LDLRAD4: variants seen among roughly 807,000 people sequenced by gnomAD.
The protein encoded by LDLRAD4 is low density lipoprotein receptor class A domain containing 4.
In LDLRAD4, 5 loss-of-function variants were observed where a neutral mutation model predicts 17.0. The ratio of observed to expected loss-of-function variants is 0.29; its 90% CI spans 0.15 to 0.62. The LOEUF is 0.62. LDLRAD4 is among the 20% of genes least tolerant of loss of function. LDLRAD4 has a pLI of 0.84. For missense variants in LDLRAD4, 340 were observed against 424.7 expected, an observed-to-expected ratio of 0.80 and a Z score of 1.75; for synonymous variants, 168 against 171.8, an observed-to-expected ratio of 0.98 and a Z score of 0.17.
At chr18:13,390,745 G>C (rs2086210799) in intron 2 of LDLRAD4, among the ~76,000 whole-genome samples, 1 of 152,200 alleles carries the variant, frequency 6.6e-6, no homozygotes, top group Non-Finnish European at 1.5e-5. Flanking sequence ...ATCATGTGTT[G>C]AATAGTGTTC....
At chr18:13,624,663 G>C (rs2040960961) in intron 4 of LDLRAD4, among the ~76,000 whole-genome samples, 1 of 152,244 alleles carries the variant, frequency 6.6e-6, no homozygotes, top group Non-Finnish European at 1.5e-5. Context: ...CCCATGTGCA[G>C]TTGGCGAGGG....
chr18:13,600,288 G>T (rs2095146110), intron 3 of LDLRAD4, among the ~76,000 whole-genome samples: 1 of 152,208 alleles, frequency 6.6e-6, no homozygotes, highest in Non-Finnish European at 1.5e-5. Flanking sequence ...TAGAACATGT[G>T]GAGTGCAGGT....
intron 1 of LDLRAD4, among the ~76,000 whole-genome samples, chr18:13,232,660 G>T (rs1284060528): frequency 6.6e-6 from 1 of 152,166 alleles, no homozygotes; most frequent in Non-Finnish European, 1.5e-5. Flanking sequence ...CTGCAGCTCT[G>T]ACTCTTCCGC....
chr18:13,415,676 C>A (rs1045801515), intron 2 of LDLRAD4, among the ~76,000 whole-genome samples: 1 of 152,232 alleles, frequency 6.6e-6, no homozygotes, highest in Non-Finnish European at 1.5e-5. Context: ...AACCTCACCC[C>A]CCCAGGACGG....
intron 2 of LDLRAD4, among the ~76,000 whole-genome samples, chr18:13,418,669 C>T (rs2089164275): frequency 6.6e-6 from 1 of 152,224 alleles, no homozygotes; most frequent in East Asian, 1.9e-4. Context: ...AAGTTTTGAA[C>T]AACAGCTGAT....
intron 2 of LDLRAD4, among the ~76,000 whole-genome samples, chr18:13,426,923 C>T (rs765761679): frequency 5.6e-4 from 86 of 152,284 alleles, no homozygotes; most frequent in Non-Finnish European, 1.1e-3. Context: ...CAGTGGCTCA[C>T]GCCTGTAATC....
chr18:13,438,737 A>G (rs963975111), intron 3 of LDLRAD4, among the ~76,000 whole-genome samples: 4 of 152,268 alleles, frequency 2.6e-5, no homozygotes, highest in African/African-American at 9.6e-5. Context: ...TGGAAGGTAC[A>G]TAATTAATCA....
chr18:13,525,678 G>A (rs2094019333), intron 3 of LDLRAD4, among the ~76,000 whole-genome samples: 1 of 152,158 alleles, frequency 6.6e-6, no homozygotes, highest in Non-Finnish European at 1.5e-5. Flanking sequence ...CAGAACATGA[G>A]CAGGAGAGCA....
chr18:13,328,004 C>T (rs529608596), intron 1 of LDLRAD4, among the ~76,000 whole-genome samples: 86 of 152,324 alleles, frequency 5.6e-4, no homozygotes, highest in African/African-American at 2.0e-3. Context: ...GGAAACACGC[C>T]TCATGAGACC....
intron 3 of LDLRAD4, among the ~76,000 whole-genome samples, chr18:13,605,310 T>C (rs2095212160): frequency 6.6e-6 from 1 of 152,236 alleles, no homozygotes; most frequent in Non-Finnish European, 1.5e-5. Flanking sequence ...CTCGACCTCC[T>C]GGGCTCAAGT....
In LDLRAD4 at chr18:13,381,218, C is replaced by T. The variant is rs118031850; in HGVS notation, c.-382-6123C>T. Among the ~76,000 whole-genome samples the T allele has an allele frequency of 5.3e-5, 8 of 152,022 alleles. No homozygotes were observed. In the East Asian group the frequency reaches 7.7e-4, roughly 15 times the overall value. On this transcript the variant is annotated intron_variant, in intron 1 of 5. Transcript: ENST00000359446. ...TCAGCCTCCCCAGTATAGGTGTGCA[C>T]AGCCATGCCCAGCTAATTTTTATAT... is the stretch of plus-strand genomic sequence containing the variant.
chr18:13,564,687 C>T (rs1433784787), intron 3 of LDLRAD4, among the ~76,000 whole-genome samples: 2 of 126,544 alleles, frequency 1.6e-5, no homozygotes, highest in African/African-American at 5.5e-5. Context: ...CACGACCCCG[C>T]CTCTGCGCTG....
intron 2 of LDLRAD4, among the ~76,000 whole-genome samples, chr18:13,413,908 AAAAAAT>A (rs1237427977): frequency 6.6e-6 from 1 of 152,140 alleles, no homozygotes; most frequent in Non-Finnish European, 1.5e-5. Context: ...AATTAAAAAA[AAAAAAT>A]TTTTTTTTAA....
chr18:13,286,946 G>T (rs886882355), intron 1 of LDLRAD4, among the ~76,000 whole-genome samples: 1 of 152,208 alleles, frequency 6.6e-6, no homozygotes, highest in East Asian at 1.9e-4. Context: ...TCAGTCTTGG[G>T]TAAAGAGAAG....
At chr18:13,224,697 G>A (rs2145388223) in intron 1 of LDLRAD4, among the ~76,000 whole-genome samples, 1 of 151,752 alleles carries the variant, frequency 6.6e-6, no homozygotes, top group East Asian at 1.9e-4. Flanking sequence ...AGCCAGGATG[G>A]TCTTGATCTC....
chr18:13,379,057 T>A (rs1476019021), intron 1 of LDLRAD4, among the ~76,000 whole-genome samples: 1 of 152,254 alleles, frequency 6.6e-6, no homozygotes, highest in African/African-American at 2.4e-5. Flanking sequence ...AGATACACAA[T>A]GGCTCCATCA....
intron 3 of LDLRAD4, chr18:13,615,727 A>G (rs1404170230): frequency 2.6e-5 from 4 of 152,244 alleles, no homozygotes; most frequent in Non-Finnish European, 5.9e-5. Context: ...TTTAGACTAG[A>G]TGTATTAAAA....
chr18:13,508,362 G>A (rs1418710888), intron 3 of LDLRAD4, among the ~76,000 whole-genome samples: 3 of 152,222 alleles, frequency 2.0e-5, no homozygotes, highest in Non-Finnish European at 4.4e-5. Flanking sequence ...GATGAAGGTG[G>A]CTGCACTAAA....
chr18:13,281,127 T>C (rs1033313356), intron 1 of LDLRAD4, among the ~76,000 whole-genome samples: 3 of 152,114 alleles, frequency 2.0e-5, no homozygotes, highest in South Asian at 2.1e-4. Flanking sequence ...ACAAAAAGAA[T>C]TGGAATCCCA....
Sources: gnomAD v4.1 joint callset for allele counts (sites outside exome capture counted in the v4.1 genomes callset) on GRCh38, gnomAD v4.1.1 for gene constraint, MANE v1.5 for transcripts, NCBI Gene and HGNC (gene_info 2026-07-23, HGNC 2026-07-21) for gene names.